RPF2: variants seen among roughly 807,000 people sequenced by gnomAD.
RPF2 encodes the protein ribosome production factor 2 homolog.
RPF2 carries 21 observed loss-of-function variants against 38.9 expected under a neutral mutation model. The observed-to-expected ratio is 0.54, with a 90% CI of 0.38 to 0.78. The LOEUF (loss-of-function observed/expected upper bound fraction) is 0.78. RPF2 is among the 30% of genes least tolerant of loss of function. RPF2 has a pLI of 0.00. For synonymous variants in RPF2, 121 were observed against 126.2 expected, an observed-to-expected ratio of 0.96 and a Z score of 0.28; for missense variants, 314 against 358.1, an observed-to-expected ratio of 0.88 and a Z score of 0.99.
At chr6:110,988,255 A>G (rs1771557347) in intron 2 of RPF2, among the ~76,000 whole-genome samples, 1 of 152,176 alleles carries the variant, frequency 6.6e-6, no homozygotes, top group African/African-American at 2.4e-5. Context: ...AGGTAGAACT[A>G]GGAAAAAAAT....
Position 110,994,895 on chromosome 6 carries a change from A to C in RPF2, c.235-2288A>C, listed in dbSNP as rs185132965. ...AGAAAGTAATTCCATTGATTTAGAC[A>C]TACAAAATAAATATATATATTTTAA... On this transcript the variant is annotated intron_variant, in intron 4 of 9. Transcript: ENST00000441448. 2.6e-3 allele frequency among the ~76,000 whole-genome samples: 391 copies of C among 152,132 alleles called. 3 individuals carry two copies. Among genetic ancestry groups the C allele is most frequent in the African/African-American group, 8.8e-3 (365 of 41,494 alleles).
intron 8 of RPF2, among the ~76,000 whole-genome samples, chr6:111,016,670 C>CTTTTTTTTTTTTTTTTT (rs71021821): frequency 1.6e-5 from 2 of 122,176 alleles, no homozygotes; most frequent in Admixed American, 8.4e-5. Context: ...AATTGTGGTT[C>CTTTTTTTTTTTTTTTTT]TTTTTTTTTT....
chr6:110,990,680 G>A (rs1278561760), intron 3 of RPF2, among the ~76,000 whole-genome samples: 4 of 151,612 alleles, frequency 2.6e-5, no homozygotes, highest in African/African-American at 9.7e-5. Context: ...TGGCTCCTGG[G>A]TTCAAGCGAT....
intron 9 of RPF2, among the ~76,000 whole-genome samples, chr6:111,024,720 A>G (rs1405937889): frequency 6.6e-6 from 1 of 151,594 alleles, no homozygotes; most frequent in Non-Finnish European, 1.5e-5. Flanking sequence ...AAAAAAAAAA[A>G]GACAAGGACA....
At chr6:111,015,149 G>A (rs774253146) in intron 7 of RPF2, among the ~76,000 whole-genome samples, 16 of 152,150 alleles carry the variant, frequency 1.1e-4, no homozygotes, top group Non-Finnish European at 1.9e-4. Context: ...AAATAAATAC[G>A]TAGTAAATTA....
chr6:111,022,260 A>C (rs1217417860), intron 8 of RPF2, among the ~76,000 whole-genome samples: 1 of 152,252 alleles, frequency 6.6e-6, no homozygotes, highest in Non-Finnish European at 1.5e-5. Flanking sequence ...GAGAGGGAGA[A>C]AAATGAGGAA....
chr6:111,014,246 C>T (rs921521874), intron 7 of RPF2, among the ~76,000 whole-genome samples: 5 of 151,782 alleles, frequency 3.3e-5, no homozygotes, highest in East Asian at 3.9e-4. Flanking sequence ...AAGTGATTCT[C>T]CTGCCTCAGC....
Position 111,025,503 on chromosome 6 carries a change from T to C in RPF2, c.842T>C (p.Met281Thr), listed in dbSNP as rs754826893. 3 of 1,613,254 alleles carry C rather than the reference T, an allele frequency of 1.9e-6. No individual in the cohort carries two copies. Among genetic ancestry groups the C allele is most frequent in the Non-Finnish European group, 2.5e-6 (3 of 1,179,804 alleles). ...CTAAGCAAACTACAAACCAGGAAAA[T>C]GAAGGGGTTGAAGAAGCGACCTGCA... Reference protein sequence around the residue: ...QDLSKLQTRKMKGLKKRPAER... With the variant: ...QDLSKLQTRKTKGLKKRPAER... The change falls in exon 10 of 10, where the codon ATG becomes ACG. Residue 281 changes from methionine (M) to threonine (T), a missense_variant. Transcript: ENST00000441448.
intron 6 of RPF2, among the ~76,000 whole-genome samples, chr6:111,003,081 C>CA (rs1183562325): frequency 1.9e-5 from 2 of 104,018 alleles, no homozygotes; most frequent in South Asian, 7.7e-4. Flanking sequence ...CATTTTTTAC[C>CA]CCCCCCCCTT....
chr6:111,023,414 A>G (rs982202703), intron 8 of RPF2, among the ~76,000 whole-genome samples: 1 of 152,248 alleles, frequency 6.6e-6, no homozygotes, highest in Non-Finnish European at 1.5e-5. Flanking sequence ...GTCTTAGATA[A>G]GAACTTGTTA....
chr6:111,005,382 A>G (rs1771890945), intron 6 of RPF2, among the ~76,000 whole-genome samples: 1 of 152,234 alleles, frequency 6.6e-6, no homozygotes, highest in Admixed American at 6.5e-5. Flanking sequence ...ACCTTCCTCC[A>G]TAAATTACTC....
chr6:111,007,938 C>G (rs1336848136), intron 6 of RPF2, 100 bp from the exon 7 acceptor site: 52 of 1,251,744 alleles, frequency 4.2e-5, no homozygotes, highest in Non-Finnish European at 5.4e-5. Context: ...CAGAGTGAGA[C>G]TCCATCTCAA....
chr6:111,023,998 A>AG (rs1477313187), intron 8 of RPF2, among the ~76,000 whole-genome samples, 185 bp from the exon 9 acceptor site: 1 of 152,114 alleles, frequency 6.6e-6, no homozygotes, highest in African/African-American at 2.4e-5. Flanking sequence ...AAAAAAAAAA[A>AG]ATTTATAAAA....
chr6:111,014,006 A>G (rs1043448237), intron 7 of RPF2, among the ~76,000 whole-genome samples: 1 of 151,480 alleles, frequency 6.6e-6, no homozygotes, highest in Non-Finnish European at 1.5e-5. Flanking sequence ...TAGTATATGT[A>G]CTTTTTTTAA....
chr6:111,016,687 C>CTTTTT (rs34370879), intron 8 of RPF2, among the ~76,000 whole-genome samples: 1 of 95,382 alleles, frequency 1.0e-5, no homozygotes. Context: ...TTTTTTCTTT[C>CTTTTT]TTTTTTTTTT....
chr6:111,017,223 G>A (rs543791020), intron 8 of RPF2, among the ~76,000 whole-genome samples: 2 of 152,112 alleles, frequency 1.3e-5, no homozygotes, highest in African/African-American at 2.4e-5. Flanking sequence ...GGTGGCGGCC[G>A]GGTAGAGGGG....
chr6:111,011,346 G>A (rs1772011616), intron 7 of RPF2, among the ~76,000 whole-genome samples: 1 of 143,826 alleles, frequency 7.0e-6, no homozygotes, highest in African/African-American at 2.6e-5. Flanking sequence ...CTGTTGCCCT[G>A]GCATGATCTC....
At chr6:110,989,448 C>T (rs1771580271) in intron 3 of RPF2, among the ~76,000 whole-genome samples, 1 of 152,002 alleles carries the variant, frequency 6.6e-6, no homozygotes, top group Admixed American at 6.6e-5. Context: ...TGATTAGCAC[C>T]AGTTTTTCTT....
rs1771441330 is a variant in RPF2, at chr6:110,982,111, A to G, written c.5A>G (p.Asp2Gly). The G allele has an allele frequency of 1.2e-6, 2 of 1,614,074 alleles. No homozygotes were observed. The highest frequency in any genetic ancestry group is 1.7e-5 in the Admixed American group (1 of 59,996). ...GAGTTGCAGGTAGCGGTAGCGATGG[A>G]CACTCTGGATCGAGTAGTGTAAGTG... M[D>G]TLDRVVKPKT... Residue 2 changes from aspartate (D) to glycine (G), a missense_variant, in exon 1 of 10, where the codon GAC becomes GGC. Asp to Gly is a moderately conservative substitution (Grantham distance 94). Coordinates refer to ENST00000441448, the MANE Select transcript of RPF2 (RefSeq NM_032194.3).
Sources: allele counts gnomAD v4.1 joint callset (sites outside exome capture counted in the v4.1 genomes callset), GRCh38; gene constraint gnomAD v4.1.1; transcripts MANE v1.5; gene names NCBI Gene and HGNC (gene_info 2026-07-23, HGNC 2026-07-21).